ADIPOR1: variants seen among roughly 807,000 people sequenced by gnomAD.
ADIPOR1 encodes the protein adiponectin receptor 1.
ADIPOR1 carries 15 observed loss-of-function variants against 37.5 expected under a neutral mutation model. That is an observed-to-expected ratio of 0.40 (90% CI 0.27 to 0.62). ADIPOR1 has a LOEUF of 0.62. ADIPOR1 is among the 20% of genes least tolerant of loss of function. The pLI is 0.42. For synonymous variants in ADIPOR1, 173 were observed against 173.2 expected (o/e 1.00, Z 0.01); for missense variants, 286 against 478.0 (o/e 0.60, Z 3.75).
Position 202,948,393 on chromosome 1 carries a change from G to A in ADIPOR1, c.169C>T (p.Pro57Ser). The A allele has an allele frequency of 6.2e-7, 1 of 1,613,848 alleles. No homozygotes were observed. The highest frequency in any genetic ancestry group is 1.3e-5 in the African/African-American group (1 of 74,970). ...KAEEEQTCPVPQEEEEEVRVL... is the reference protein window; with the variant it reads ...KAEEEQTCPVSQEEEEEVRVL... Reference sequence around the variant, plus strand: ...CGCACCTCCTCCTCTTCTTCCTGGGGCACTGGGCATGTTTGCTCTTCTTCA... The same window carrying A: ...CGCACCTCCTCCTCTTCTTCCTGGGACACTGGGCATGTTTGCTCTTCTTCA... The change falls in exon 3 of 8, where the codon CCC (proline) becomes TCC (serine). Residue 57 changes from proline to serine, a missense_variant. Coordinates refer to ENST00000340990, the MANE Select transcript of ADIPOR1 (RefSeq NM_015999.6).
intron 2 of ADIPOR1, among the ~76,000 whole-genome samples, chr1:202,950,342 G>A (rs1654520860): frequency 6.6e-6 from 1 of 151,988 alleles, no homozygotes; most frequent in Non-Finnish European, 1.5e-5. Context: ...GGGAGGCTGA[G>A]GCAGGAGGAT....
intron 7 of ADIPOR1, 37 bp downstream of exon 7, chr1:202,941,988 C>A: frequency 6.3e-7 from 1 of 1,580,700 alleles, no homozygotes; most frequent in South Asian, 1.2e-5. Context: ...GCTGTTCACT[C>A]ACCATCACAG....
rs1436182201 is a variant in ADIPOR1, at chr1:202,951,156, T to C, written c.-86A>G. 4.0e-6 allele frequency: 6 copies of C among 1,512,872 alleles called. No individual in the cohort carries two copies. In the Admixed American group the frequency reaches 7.6e-5, roughly 19 times the overall value. The allele number at this position is 1,512,872 out of a possible 1,614,324, so 93.7% of individuals were successfully genotyped here. ...CCAGGGGGCAGAGATCTCCCTCTGA[T>C]GGTAGACACTAAAAGAAAATACAAA... On this transcript the variant is annotated 5_prime_UTR_variant, in exon 2 of 8. Transcript: ENST00000340990.
At chr1:202,944,370 A>G (rs1654220690) in intron 5 of ADIPOR1, 1 of 155,784 alleles carries the variant, frequency 6.4e-6, no homozygotes, top group African/African-American at 2.4e-5. Context: ...AGCTTTTTCT[A>G]TCTTAGTTGA....
At chr1:202,942,664 G>T (rs1182120379) in intron 6 of ADIPOR1, among the ~76,000 whole-genome samples, 1 of 152,118 alleles carries the variant, frequency 6.6e-6, no homozygotes, top group Non-Finnish European at 1.5e-5. Flanking sequence ...CAGATTAGCA[G>T]TTATCCTGTA....
intron 2 of ADIPOR1, among the ~76,000 whole-genome samples, chr1:202,950,222 C>CA (rs199893917): frequency 0.22 from 33,505 of 151,568 alleles, 4,208 homozygotes; most frequent in Non-Finnish European, 0.3. Context: ...CTCGGCCTCT[C>CA]AAAGTGTTGG....
chr1:202,944,868 T>C (rs950079460), intron 5 of ADIPOR1, 115 bp downstream of exon 5: 31 of 1,020,682 alleles, frequency 3.0e-5, no homozygotes, highest in Non-Finnish European at 4.3e-5. Flanking sequence ...GCCTTTCCTC[T>C]GGCATATCAA....
intron 2 of ADIPOR1, among the ~76,000 whole-genome samples, chr1:202,948,762 T>G (rs562007777): frequency 6.6e-6 from 1 of 151,328 alleles, no homozygotes; most frequent in East Asian, 2.0e-4. Flanking sequence ...TCCCAAAGAG[T>G]TCTCTTTTCT....
At position 202,940,879 on chromosome 1, in the gene ADIPOR1, C is replaced by T. The variant is rs1441650471; in HGVS notation, c.*694G>A. The T allele has an allele frequency of 1.3e-5, 2 of 152,450 alleles. No homozygotes were observed. The highest frequency in any genetic ancestry group is 2.9e-5 in the Non-Finnish European group (2 of 68,020). The allele number at this position is 152,450 out of a possible 1,614,324, so 9.4% of individuals were successfully genotyped here. ...TACTTTCTTTTATTAACATCATAGTCTTTGCATCAAGATACATAGCAATGA... is the reference window on the plus strand; with the variant it reads ...TACTTTCTTTTATTAACATCATAGTTTTTGCATCAAGATACATAGCAATGA... On this transcript the variant is annotated 3_prime_UTR_variant, in exon 8 of 8. Coordinates refer to ENST00000340990, the MANE Select transcript of ADIPOR1 (RefSeq NM_015999.6).
rs1558008606 is a variant in ADIPOR1, at chr1:202,940,953, C to A, written c.*620G>T. 6.6e-6 allele frequency: 1 copy of A among 152,542 alleles called. No individual in the cohort carries two copies. The highest frequency in any genetic ancestry group is 1.9e-4 in the East Asian group (1 of 5,182). The allele number at this position is 152,542 out of a possible 1,614,324, so 9.4% of individuals were successfully genotyped here. On this transcript the variant is annotated 3_prime_UTR_variant, in exon 8 of 8. Transcript: ENST00000340990. ...AGTATTAAATATTAAATATCTTTCC[C>A]CATTTAAATTTTACATTACTCTGCC...
intron 1 of ADIPOR1, chr1:202,954,430 G>C (rs1654700203): frequency 6.6e-6 from 1 of 152,188 alleles, no homozygotes; most frequent in Admixed American, 6.5e-5. Flanking sequence ...ACAAACAATG[G>C]AGAATTACAA....
intron 5 of ADIPOR1, 124 bp from the exon 6 acceptor site, chr1:202,944,069 T>C (rs1189122885): frequency 1.2e-6 from 1 of 842,214 alleles, no homozygotes; most frequent in Non-Finnish European, 1.8e-6. Flanking sequence ...CTATCCTGTA[T>C]TGTAGACTCC....
chr1:202,942,163 G>A lies in ADIPOR1; in HGVS notation c.861C>T (p.Ile287=), dbSNP rs1654115765. The A allele has an allele frequency of 1.1e-5, 17 of 1,614,160 alleles. No individual in the cohort carries two copies. The highest frequency in any genetic ancestry group is 1.4e-5 in the Non-Finnish European group (16 of 1,180,026). The change falls in exon 7 of 8, where the codon ATC becomes ATT. Residue 287 remains isoleucine, a synonymous_variant. Coordinates refer to ENST00000340990, the MANE Select transcript of ADIPOR1 (RefSeq NM_015999.6). ...TGGTGGCCTTGACAAAGCCCTCAGC[G>A]ATAGTAAAGTGCATGGTGGGCACGA... The part of the protein sequence containing the change: ...SGVVPTMHFT[I]AEGFVKATTV...
intron 5 of ADIPOR1, 26 bp downstream of exon 5, chr1:202,944,957 T>C (rs1327885940): frequency 6.3e-7 from 1 of 1,594,600 alleles, no homozygotes; most frequent in Non-Finnish European, 8.6e-7. Flanking sequence ...TGCACAGTAT[T>C]TTCCTATGGT....
At chr1:202,954,812 TTA>T (rs762425003) in intron 1 of ADIPOR1, among the ~76,000 whole-genome samples, 3 of 151,914 alleles carry the variant, frequency 2.0e-5, no homozygotes, top group Non-Finnish European at 4.4e-5. Flanking sequence ...AGCTGGAGAG[TTA>T]TTTCACTTAT....
intron 7 of ADIPOR1, 44 bp from the exon 8 acceptor site, chr1:202,941,745 G>T: frequency 6.4e-7 from 1 of 1,574,052 alleles, no homozygotes; most frequent in Non-Finnish European, 8.6e-7. Context: ...AATGCAAGGA[G>T]GAATAAGAAA....
intron 4 of ADIPOR1, 85 bp downstream of exon 4, chr1:202,946,354 G>T: frequency 1.3e-6 from 2 of 1,525,180 alleles, no homozygotes; most frequent in Non-Finnish European, 1.8e-6. Context: ...GCTGCCAATC[G>T]ATCTGAACAA....
chr1:202,942,946 A>G (rs1654157808), intron 6 of ADIPOR1, among the ~76,000 whole-genome samples: 1 of 149,618 alleles, frequency 6.7e-6, no homozygotes, highest in African/African-American at 2.5e-5. Flanking sequence ...GCTCACTACA[A>G]CCTCTGCCCC....
chr1:202,945,492 A>G (rs960526564), intron 4 of ADIPOR1, among the ~76,000 whole-genome samples: 2 of 152,230 alleles, frequency 1.3e-5, no homozygotes, highest in African/African-American at 4.8e-5. Flanking sequence ...CTACTATTTG[A>G]TCCACCAATC....
Sources: gnomAD v4.1 joint callset for allele counts (sites outside exome capture counted in the v4.1 genomes callset) on GRCh38, gnomAD v4.1.1 for gene constraint, MANE v1.5 for transcripts, NCBI Gene and HGNC (gene_info 2026-07-23, HGNC 2026-07-21) for gene names.